The following DPY19L3 variants were observed in gnomAD, a reference collection of about 807,000 sequenced individuals.
DPY19L3 encodes the protein dpy-19 like C-mannosyltransferase 3.
In DPY19L3, 51 loss-of-function variants were observed where a neutral mutation model predicts 92.3. That is an observed-to-expected ratio of 0.55 (90% CI 0.44 to 0.70). The LOEUF (loss-of-function observed/expected upper bound fraction) is 0.70, where lower values mean the gene tolerates loss of function less well. DPY19L3 is among the 30% of genes least tolerant of loss of function. The pLI is 0.00. For synonymous variants in DPY19L3, 309 were observed against 315.2 expected (o/e 0.98, Z 0.21); for missense variants, 706 against 855.9 (o/e 0.82, Z 2.18).
intron 12 of DPY19L3, among the ~76,000 whole-genome samples, chr19:32,462,354 A>G (rs776528814): frequency 1.4e-4 from 22 of 152,216 alleles, no homozygotes; most frequent in Non-Finnish European, 2.8e-4. Flanking sequence ...TCATCATGCA[A>G]CACAGAATAG....
Position 32,431,145 on chromosome 19 carries a change from C to T in DPY19L3, c.238-1571C>T, listed in dbSNP as rs111729811. ...CTGTAATCCCAGCACTTTGGGAGGCCGAGGCAGATGGATCACCTGAGGTCG... is the reference window on the plus strand; with the variant it reads ...CTGTAATCCCAGCACTTTGGGAGGCTGAGGCAGATGGATCACCTGAGGTCG... On this transcript the variant is annotated intron_variant, in intron 3 of 18. Transcript: ENST00000392250. 3.1e-3 allele frequency among the ~76,000 whole-genome samples: 475 copies of T among 152,066 alleles called. 1 individual carries two copies. The highest frequency in any genetic ancestry group is 0.011 in the African/African-American group (452 of 41,468).
chr19:32,462,505 G>A (rs1013642218), intron 12 of DPY19L3, among the ~76,000 whole-genome samples: 5 of 148,344 alleles, frequency 3.4e-5, no homozygotes, highest in Non-Finnish European at 7.4e-5. Flanking sequence ...CCCGTGAAGT[G>A]TTCTTGCCAA....
chr19:32,447,763 AGATAGAT>A (rs1969549151), intron 8 of DPY19L3, among the ~76,000 whole-genome samples: 1 of 144,776 alleles, frequency 6.9e-6, no homozygotes, highest in African/African-American at 2.6e-5. Flanking sequence ...ATAGATAGAT[AGATAGAT>A]AGATAGATTA....
chr19:32,427,199 T>G (rs952124639), intron 3 of DPY19L3, among the ~76,000 whole-genome samples: 2 of 152,162 alleles, frequency 1.3e-5, no homozygotes, highest in African/African-American at 4.8e-5. Context: ...CTTGCCATGT[T>G]GCCTAGGCTG....
rs145377589 is a variant in DPY19L3, at chr19:32,464,827, A to G, written c.1614+43A>G. 836 of 1,316,848 alleles carry G rather than the reference A, an allele frequency of 6.3e-4. 4 individuals carry two copies. In the African/African-American group the frequency reaches 0.01, roughly 16 times the overall value. 81.6% of individuals were successfully genotyped at this position (1,316,848 alleles called of 1,614,324 possible). ...CATTCTTGTCATTCATGTATTTAGC[A>G]GAATAATTGCTTTGATTCAATATAT... On this transcript the variant is annotated intron_variant, in intron 15 of 18. Transcript: ENST00000392250.
intron 8 of DPY19L3, among the ~76,000 whole-genome samples, chr19:32,444,505 A>G (rs921551320): frequency 6.6e-6 from 1 of 152,232 alleles, no homozygotes; most frequent in Non-Finnish European, 1.5e-5. Context: ...TCAGAATCCC[A>G]GAAGAAGACA....
intron 8 of DPY19L3, among the ~76,000 whole-genome samples, chr19:32,451,656 C>G (rs1969703468): frequency 6.6e-6 from 1 of 152,168 alleles, no homozygotes; most frequent in African/African-American, 2.4e-5. Flanking sequence ...AAGAAGAAAA[C>G]TAACAGAATA....
At chr19:32,429,926 A>G (rs1288671527) in intron 3 of DPY19L3, among the ~76,000 whole-genome samples, 2 of 152,196 alleles carry the variant, frequency 1.3e-5, no homozygotes, top group East Asian at 1.9e-4. Context: ...AGTTCTCAAA[A>G]GCAATAGAGC....
chr19:32,437,630 G>C (rs78979906), intron 6 of DPY19L3, among the ~76,000 whole-genome samples: 12 of 151,944 alleles, frequency 7.9e-5, no homozygotes, highest in African/African-American at 2.9e-4. Context: ...TTCTCCAGCC[G>C]CATATCTCAT....
chr19:32,466,482 G>C (rs1970205315), intron 15 of DPY19L3, among the ~76,000 whole-genome samples: 1 of 152,204 alleles, frequency 6.6e-6, no homozygotes, highest in Non-Finnish European at 1.5e-5. Context: ...CCTGTGTGCT[G>C]TAGGCTGCTC....
intron 3 of DPY19L3, among the ~76,000 whole-genome samples, chr19:32,421,855 GACAAGCC>G (rs1173364827): frequency 2.0e-5 from 3 of 151,988 alleles, no homozygotes; most frequent in African/African-American, 7.3e-5. Flanking sequence ...CGATCACAGA[GACAAGCC>G]ATATTTGTTA....
chr19:32,430,771 C>T (rs1461476969), intron 3 of DPY19L3, among the ~76,000 whole-genome samples: 1 of 150,090 alleles, frequency 6.7e-6, no homozygotes, highest in Non-Finnish European at 1.5e-5. Flanking sequence ...AGTTCAGGTG[C>T]ATGCCACTAT....
At chr19:32,464,015 A>G (rs1444792913) in intron 14 of DPY19L3, 35 bp downstream of exon 14, 22 of 1,450,908 alleles carry the variant, frequency 1.5e-5, no homozygotes, top group Non-Finnish European at 2.0e-5. Flanking sequence ...TCCTTTTATG[A>G]CTTGCAGTAT....
At chr19:32,471,488 G>A (rs1279355270) in intron 16 of DPY19L3, among the ~76,000 whole-genome samples, 1 of 152,146 alleles carries the variant, frequency 6.6e-6, no homozygotes, top group Non-Finnish European at 1.5e-5. Context: ...GGAAACCCTG[G>A]GGACACCTCA....
intron 16 of DPY19L3, among the ~76,000 whole-genome samples, chr19:32,473,054 T>G (rs1338471705): frequency 6.6e-6 from 1 of 152,246 alleles, no homozygotes; most frequent in African/African-American, 2.4e-5. Context: ...GTTCACACAT[T>G]ATATTATAAT....
chr19:32,437,497 G>A (rs1404492435), intron 6 of DPY19L3, among the ~76,000 whole-genome samples, 158 bp downstream of exon 6: 1 of 152,060 alleles, frequency 6.6e-6, no homozygotes, highest in Non-Finnish European at 1.5e-5. Context: ...TTCTTATTTA[G>A]TTAGGGAGAA....
intron 1 of DPY19L3, among the ~76,000 whole-genome samples, chr19:32,406,839 A>G (rs193199278): frequency 2.0e-5 from 3 of 152,250 alleles, no homozygotes; most frequent in Non-Finnish European, 4.4e-5. Flanking sequence ...TGAATTGTTT[A>G]AAAAAGTCCT....
At chr19:32,443,753 G>A (rs1270621539) in intron 8 of DPY19L3, among the ~76,000 whole-genome samples, 3 of 152,136 alleles carry the variant, frequency 2.0e-5, no homozygotes, top group Non-Finnish European at 2.9e-5. Context: ...TAATGTAATA[G>A]GATACAGTTA....
At chr19:32,434,898 A>G (rs117979004) in intron 4 of DPY19L3, among the ~76,000 whole-genome samples, 2,226 of 152,186 alleles carry the variant, frequency 0.015, 33 homozygotes, top group South Asian at 0.023. Context: ...CACTAATCCC[A>G]TCATGAGGGC....
Sources: allele counts gnomAD v4.1 joint callset (sites outside exome capture counted in the v4.1 genomes callset), GRCh38; gene constraint gnomAD v4.1.1; transcripts MANE v1.5; gene names NCBI Gene and HGNC (gene_info 2026-07-23, HGNC 2026-07-21).